Variants in MCF2L observed in about 807,000 individuals in gnomAD.
MCF2L encodes the protein MCF.2 cell line derived transforming sequence like.
In MCF2L, 97 loss-of-function variants were observed where a neutral mutation model predicts 153.4. That is an observed-to-expected ratio of 0.63 (90% CI 0.54 to 0.75). The LOEUF (loss-of-function observed/expected upper bound fraction) is 0.75. Ranked by LOEUF, MCF2L falls within the 30% of genes least tolerant of loss-of-function variation. The pLI is 0.00. For synonymous variants in MCF2L, 659 were observed against 632.2 expected (o/e 1.04, Z -0.64); for missense variants, 1,347 against 1,495.2 (o/e 0.90, Z 1.64).
rs868243208 is a variant in MCF2L at position 113,090,450 on chromosome 13, G to A, written c.2953+722G>A. ...CTTCCTCTCCCTGCCCCCCACCCCC[G>A]CCTTCTCCCGCCTTCTCAGGTGAGT... On this transcript the variant is annotated intron_variant, in intron 26 of 29. Transcript: ENST00000535094. 6.5e-4 allele frequency: 62 copies of A among 95,262 alleles called. 1 individual carries two copies. The highest frequency in any genetic ancestry group is 5.1e-3 in the Middle Eastern group (1 of 196). The allele number at this position is 95,262 out of a possible 1,614,324, so 5.9% of individuals were successfully genotyped here.
chr13:112,955,656 C>G (rs907800737), intron 2 of MCF2L, among the ~76,000 whole-genome samples: 1 of 152,176 alleles, frequency 6.6e-6, no homozygotes, highest in Non-Finnish European at 1.5e-5. Context: ...GACCCAAACT[C>G]TGAACCCCTT....
rs1012665248 is a variant in MCF2L at position 112,993,936 on chromosome 13, A to G, written c.80-20827A>G. Among the ~76,000 whole-genome samples the G allele has an allele frequency of 2.2e-5, 3 of 136,424 alleles. No homozygotes were observed. Among genetic ancestry groups the G allele is most frequent in the African/African-American group, 8.0e-5 (3 of 37,296 alleles). 89.5% of individuals were successfully genotyped at this position (136,424 alleles called of 152,430 possible). On this transcript the variant is annotated intron_variant, in intron 1 of 29. Coordinates refer to ENST00000535094, the MANE Select transcript of MCF2L (RefSeq NM_001112732.3). This position sits in a 1 kb window ranked among gnomAD's most constrained non-coding sequence, Gnocchi z 4.6. ...ACAGCTCGATTTCCCTTCAGATAAA[A>G]GGCACAATCACAACAGCAGCAAACA...
In MCF2L at chr13:113,013,279, A is replaced by G. The variant is rs535012914; in HGVS notation, c.80-1484A>G. On this transcript the variant is annotated intron_variant, in intron 1 of 29. Transcript: ENST00000535094. ...TCCCACAAAAGAAGCCATCGCCGAG[A>G]CGTGGTTGCGTACTGGGAATGGGTC... Among the ~76,000 whole-genome samples, 562 of 152,290 alleles carry G rather than the reference A, an allele frequency of 3.7e-3. 1 individual carries two copies. Among genetic ancestry groups the G allele is most frequent in the African/African-American group, 0.013 (545 of 41,566 alleles).
intron 26 of MCF2L, among the ~76,000 whole-genome samples, chr13:113,091,378 A>G (rs2035194620): frequency 6.6e-6 from 1 of 152,194 alleles, no homozygotes; most frequent in Admixed American, 6.5e-5. Context: ...CGAGGACAGC[A>G]CGCCTCTCAG....
At chr13:113,014,692 GA>G in intron 1 of MCF2L, 70 bp from the exon 2 acceptor site, 1 of 1,317,898 alleles carries the variant, frequency 7.6e-7, no homozygotes, top group South Asian at 1.2e-5. Flanking sequence ...CTCCGTGTGG[GA>G]TCGGGTGGGC....
chr13:113,052,322 G>C (rs1007107323), intron 4 of MCF2L, among the ~76,000 whole-genome samples: 1 of 152,218 alleles, frequency 6.6e-6, no homozygotes, highest in Non-Finnish European at 1.5e-5. Context: ...CCTGGGACCA[G>C]GTGCCTCATG....
intron 2 of MCF2L, among the ~76,000 whole-genome samples, chr13:112,920,774 A>C (rs913592695): frequency 6.6e-6 from 1 of 152,060 alleles, no homozygotes; most frequent in East Asian, 1.9e-4. Flanking sequence ...GACAGGATTC[A>C]GAAGGTGGAG....
At chr13:112,920,059 C>T (rs1038039542) in intron 2 of MCF2L, among the ~76,000 whole-genome samples, 3 of 152,104 alleles carry the variant, frequency 2.0e-5, no homozygotes, top group Admixed American at 6.5e-5. Flanking sequence ...TGTGCTGTCC[C>T]TCCCACAGTT....
chr13:113,084,825 C>A, intron 18 of MCF2L, 67 bp from the exon 19 acceptor site: 3 of 1,205,704 alleles, frequency 2.5e-6, no homozygotes, highest in Non-Finnish European at 3.7e-6. Context: ...ATGCGGTGCC[C>A]GTCCCTCACC....
chr13:112,994,064 AAAAG>A (rs773773400), intron 1 of MCF2L, among the ~76,000 whole-genome samples: 2 of 152,308 alleles, frequency 1.3e-5, no homozygotes, highest in Non-Finnish European at 2.9e-5. Flanking sequence ...CTGATTAAAA[AAAAG>A]CACCTTCATG....
intron 1 of MCF2L, among the ~76,000 whole-genome samples, chr13:112,988,139 T>G (rs2082724084): frequency 6.6e-6 from 1 of 151,980 alleles, no homozygotes; most frequent in South Asian, 2.1e-4. Flanking sequence ...CAGAGGGAAG[T>G]CGACGGCATC....
intron 27 of MCF2L, chr13:113,095,714 G>A (rs553262853): frequency 1.1e-5 from 11 of 992,742 alleles, no homozygotes; most frequent in African/African-American, 3.5e-5. Flanking sequence ...CCCTGCAGCC[G>A]GCAGCACCCC....
intron 4 of MCF2L, among the ~76,000 whole-genome samples, chr13:113,056,421 G>A (rs1466323109): frequency 6.6e-6 from 1 of 150,892 alleles, no homozygotes; most frequent in Non-Finnish European, 1.5e-5. Flanking sequence ...AGTGGGTGCT[G>A]TGTGTTTGGG....
intron 2 of MCF2L, among the ~76,000 whole-genome samples, chr13:112,953,828 G>A (rs1394309534): frequency 1.3e-5 from 2 of 152,218 alleles, no homozygotes; most frequent in Non-Finnish European, 2.9e-5. Context: ...CCTGGTAGGG[G>A]CTGGGTCAGA....
intron 2 of MCF2L, among the ~76,000 whole-genome samples, chr13:112,949,660 C>A (rs12428212): frequency 0.58 from 88,259 of 151,394 alleles, 26,044 homozygotes; most frequent in South Asian, 0.73. Flanking sequence ...CAGAAAAAGT[C>A]TTTGACAAAA....
intron 3 of MCF2L, among the ~76,000 whole-genome samples, chr13:113,039,744 C>T (rs189270762): frequency 2.4e-4 from 36 of 152,268 alleles, no homozygotes; most frequent in Non-Finnish European, 4.3e-4. Flanking sequence ...CATATCAGGA[C>T]GCCACTCTGT....
At chr13:112,991,777 G>A (rs1029874209) in intron 1 of MCF2L, among the ~76,000 whole-genome samples, 10 of 152,134 alleles carry the variant, frequency 6.6e-5, no homozygotes, top group African/African-American at 1.9e-4. Context: ...CCTTCCCTGC[G>A]GGTTAAGTTA....
intron 2 of MCF2L, among the ~76,000 whole-genome samples, chr13:112,922,652 G>A (rs2081364178): frequency 6.6e-6 from 1 of 152,224 alleles, no homozygotes; most frequent in East Asian, 1.9e-4. Context: ...GGGCTAAACG[G>A]TGAAACCCTG....
intron 3 of MCF2L, among the ~76,000 whole-genome samples, chr13:113,032,066 G>A (rs569624867): frequency 6.6e-6 from 1 of 152,274 alleles, no homozygotes; most frequent in Non-Finnish European, 1.5e-5. Context: ...GTGCATGTGG[G>A]ACGCAACAGA....
Sources: allele counts gnomAD v4.1 joint callset (sites outside exome capture counted in the v4.1 genomes callset), GRCh38; gene constraint gnomAD v4.1.1; non-coding constraint Gnocchi (gnomAD v3.1); transcripts MANE v1.5; gene names NCBI Gene and HGNC (gene_info 2026-07-23, HGNC 2026-07-21).